The following NDRG2 variants were observed in gnomAD, a reference collection of about 807,000 sequenced individuals.
The protein encoded by NDRG2 is NDRG family member 2.
NDRG2 carries 34 observed loss-of-function variants against 58.2 expected under a neutral mutation model. The ratio of observed to expected loss-of-function variants is 0.58; its 90% confidence interval spans 0.44 to 0.78. The LOEUF (loss-of-function observed/expected upper bound fraction) is 0.78, where lower values mean the gene tolerates loss of function less well. Ranked by LOEUF, NDRG2 falls within the 30% of genes least tolerant of loss-of-function variation. The pLI is 0.00. For missense variants in NDRG2, 434 were observed against 471.2 expected (o/e 0.92, Z 0.73); for synonymous variants, 187 against 175.9 (o/e 1.06, Z -0.50).
At chr14:21,022,008 C>T (rs1014958746) in intron 5 of NDRG2, 54 bp downstream of exon 5, 37 of 1,613,186 alleles carry the variant, frequency 2.3e-5, no homozygotes, top group Admixed American at 5.0e-5. Context: ...GAACCTTTCC[C>T]GCACCTGTCC....
chr14:21,019,699 T>G lies in NDRG2; in HGVS notation c.656A>C (p.Asn219Thr). Residue 219 changes from asparagine (N) to threonine (T), a missense_variant, in exon 10 of 16, where the codon AAT becomes ACT. Physicochemically the swap from Asn to Thr is moderately conservative, Grantham distance 65 (BLOSUM62 0). Coordinates refer to ENST00000556147, the MANE Select transcript of NDRG2 (RefSeq NM_001320329.2). Reference protein sequence around the residue: ...GNSELIQKYRNIITHAPNLDN... With the variant: ...GNSELIQKYRTIITHAPNLDN... ...CAGGTTGGGTGCATGTGTAATGATA[T>G]TTCTGTACTTTTGTATCAACTCAGA... The G allele has an allele frequency of 6.2e-7, 1 of 1,614,008 alleles. No homozygotes were observed. The highest frequency in any genetic ancestry group is 8.5e-7 in the Non-Finnish European group (1 of 1,179,848).
At chr14:21,050,825 G>A (rs1885430123) in intron 1 of NDRG2, among the ~76,000 whole-genome samples, 1 of 152,180 alleles carries the variant, frequency 6.6e-6, no homozygotes, top group African/African-American at 2.4e-5. Flanking sequence ...AAGGGGTAAT[G>A]AGCATCATGT....
rs746017352 is a variant in NDRG2, at chr14:21,018,778, A to G, written c.798T>C (p.Pro266=). ...CCCTACTAACCACTGCATCTTCATG[A>G]GGTGCTTGGTCTCCTACCACCAGCA... is the stretch of plus-strand genomic sequence containing the variant. The part of the protein sequence containing the change: ...PVMLVVGDQA[P]HEDAVVECNS... Residue 266 remains proline (P), a synonymous_variant, in exon 12 of 16, where the codon CCT becomes CCC. Coordinates refer to ENST00000556147, the MANE Select transcript of NDRG2 (RefSeq NM_001320329.2). The G allele has an allele frequency of 2.5e-6, 4 of 1,614,116 alleles. No individual in the cohort carries two copies. Among genetic ancestry groups the G allele is most frequent in the Non-Finnish European group, 2.5e-6 (3 of 1,180,012 alleles).
chr14:21,065,184 A>T (rs1183277006), intron 1 of NDRG2, among the ~76,000 whole-genome samples: 1 of 146,208 alleles, frequency 6.8e-6, no homozygotes, highest in African/African-American at 2.6e-5. Flanking sequence ...AAAAAAAAAC[A>T]AACAACAACA....
intron 1 of NDRG2, among the ~76,000 whole-genome samples, chr14:21,057,452 T>C (rs950203397): frequency 1.1e-4 from 16 of 151,238 alleles, no homozygotes; most frequent in Non-Finnish European, 2.2e-4. Flanking sequence ...AAAAAAAAGA[T>C]TTAGTTTCTC....
intron 1 of NDRG2, among the ~76,000 whole-genome samples, chr14:21,056,001 T>C (rs909139396): frequency 4.6e-5 from 7 of 152,150 alleles, no homozygotes; most frequent in Non-Finnish European, 1.5e-5. Flanking sequence ...ATCCCTGCTG[T>C]GGAAAAGGTG....
chr14:21,059,971 G>A (rs974803605), intron 1 of NDRG2, among the ~76,000 whole-genome samples: 1 of 152,042 alleles, frequency 6.6e-6, no homozygotes, highest in Non-Finnish European at 1.5e-5. Context: ...ACCCCCATAT[G>A]CATATACATA....
chr14:21,023,808 G>A, intron 1 of NDRG2: 1 of 258,134 alleles, frequency 3.9e-6, no homozygotes, highest in Non-Finnish European at 6.1e-6. Flanking sequence ...GCAGCTCAAA[G>A]GGGGCTAAAA....
At chr14:21,021,682 G>T in intron 6 of NDRG2, 135 bp downstream of exon 6, 1 of 960,890 alleles carries the variant, frequency 1.0e-6, no homozygotes, top group Non-Finnish European at 1.6e-6. Flanking sequence ...AATCAAGGCG[G>T]GAGCATGAAG....
At chr14:21,051,842 T>C (rs1230118317) in intron 1 of NDRG2, among the ~76,000 whole-genome samples, 1 of 152,182 alleles carries the variant, frequency 6.6e-6, no homozygotes, top group Non-Finnish European at 1.5e-5. Flanking sequence ...GCACTTGTAG[T>C]TCAAAGACGA....
In NDRG2 at chr14:21,017,679, G is replaced by A. The variant is rs1326573894; in HGVS notation, c.1033C>T (p.Arg345Cys). ...CTGCTCTGGGACAGGGTGCGAGAGCGGGACCGGTTGCCATCAACGGATGCT... is the reference window on the plus strand; with the variant it reads ...CTGCTCTGGGACAGGGTGCGAGAGCAGGACCGGTTGCCATCAACGGATGCT... ...SAASVDGNRSRSRTLSQSSES... is the reference protein window; with the variant it reads ...SAASVDGNRSCSRTLSQSSES... The change falls in exon 16 of 16, where the codon CGC becomes TGC. Residue 345 changes from arginine (R) to cysteine (C), a missense_variant. Physicochemically the swap from Arg to Cys is radical, Grantham distance 180. Coordinates refer to ENST00000556147, the MANE Select transcript of NDRG2 (RefSeq NM_001320329.2). The A allele has an allele frequency of 5.0e-6, 8 of 1,610,730 alleles. No homozygotes were observed. In the Admixed American group the frequency reaches 5.0e-5, roughly 10 times the overall value.
At chr14:21,052,188 G>A (rs769862870) in intron 1 of NDRG2, among the ~76,000 whole-genome samples, 9 of 152,212 alleles carry the variant, frequency 5.9e-5, no homozygotes, top group South Asian at 2.1e-4. Context: ...TTCAATGCAC[G>A]GTTACTGAGT....
At chr14:21,040,738 C>T (rs1191131497) in intron 1 of NDRG2, among the ~76,000 whole-genome samples, 1 of 152,208 alleles carries the variant, frequency 6.6e-6, no homozygotes, top group East Asian at 1.9e-4. Flanking sequence ...GTGCTAGTCT[C>T]TTCACTTGGA....
rs959300057 is a variant in NDRG2 at position 21,020,875 on chromosome 14, G to A, written c.408-31C>T. 3.1e-6 allele frequency: 5 copies of A among 1,610,232 alleles called. No homozygotes were observed. The African/African-American group carries it at 5.4e-5, about 17-fold the overall frequency. On this transcript the variant is annotated intron_variant, in intron 6 of 15. Transcript: ENST00000556147. ...AAAGGGAAAGAAATATACGCCTCAT[G>A]GGATCTGCTGTCCAAAACCTGCCAC...
chr14:21,018,014 T>G lies in NDRG2; in HGVS notation c.922A>C (p.Lys308Gln). Residue 308 changes from lysine to glutamine, a missense_variant, in exon 15 of 16, where the codon AAG (lysine) becomes CAG (glutamine). Physicochemically the swap from Lys to Gln is moderately conservative, Grantham distance 53 (BLOSUM62 1). Transcript: ENST00000556147. Reference protein sequence around the residue: ...TQPGKLTEAFKYFLQGMGYMA... With the variant: ...TQPGKLTEAFQYFLQGMGYMA... ...TAGCCCATGCCTTGCAGGAAGTACT[T>G]GAAGGCCTCGGTCAGCTTGCCTGGC... 1.2e-6 allele frequency: 2 copies of G among 1,614,146 alleles called. No homozygotes were observed. Among genetic ancestry groups the G allele is most frequent in the Non-Finnish European group, 1.7e-6 (2 of 1,180,028 alleles).
chr14:21,026,948 G>A (rs997642483), upstream of NDRG2, among the ~76,000 whole-genome samples: 4 of 151,900 alleles, frequency 2.6e-5, no homozygotes, highest in Non-Finnish European at 5.9e-5. Context: ...AGAGCCTCGA[G>A]TGAGAACTTT....
chr14:21,017,627 G>A lies in NDRG2; in HGVS notation c.1085C>T (p.Pro362Leu). The A allele has an allele frequency of 1.2e-6, 2 of 1,613,776 alleles. No individual in the cohort carries two copies. Among genetic ancestry groups the A allele is most frequent in the South Asian group, 1.1e-5 (1 of 90,942 alleles). Residue 362 changes from proline to leucine, a missense_variant, in exon 16 of 16, where the codon CCC (proline) becomes CTC (leucine). Coordinates refer to ENST00000556147, the MANE Select transcript of NDRG2 (RefSeq NM_001320329.2). ...GGAGACCTCCATGGTGTGCCCCGGG[G>A]GCCCCGAAGAAAGAGTTCCAGACTC... ...SSESGTLSSG[P>L]PGHTMEVSC is the part of the protein sequence containing the mutation.
chr14:21,045,585 T>C (rs1170226949), intron 1 of NDRG2, among the ~76,000 whole-genome samples: 1 of 152,248 alleles, frequency 6.6e-6, no homozygotes, highest in Non-Finnish European at 1.5e-5. Flanking sequence ...TTATTCTTTT[T>C]TCACAACTCT....
chr14:21,029,778 G>A (rs1190871837), upstream of NDRG2, among the ~76,000 whole-genome samples: 2 of 152,156 alleles, frequency 1.3e-5, no homozygotes, highest in East Asian at 1.9e-4. Context: ...TGAGGACACA[G>A]CAAGAAGGTG....
Sources: allele counts gnomAD v4.1 joint callset (sites outside exome capture counted in the v4.1 genomes callset), GRCh38; gene constraint gnomAD v4.1.1; transcripts MANE v1.5; gene names NCBI Gene and HGNC (gene_info 2026-07-23, HGNC 2026-07-21).